Variants in ERBB4 observed in about 807,000 individuals in gnomAD.
ERBB4 encodes receptor tyrosine-protein kinase erbB-4.
A neutral mutation model predicts 158.0 loss-of-function variants in ERBB4; 42 were observed. The ratio of observed to expected loss-of-function variants is 0.27; its 90% CI spans 0.21 to 0.34. The LOEUF (loss-of-function observed/expected upper bound fraction) is 0.34, where lower values mean the gene tolerates loss of function less well. ERBB4 is among the 10% of genes least tolerant of loss of function. ERBB4 has a pLI of 1.00. For synonymous variants in ERBB4, 583 were observed against 558.7 expected, an observed-to-expected ratio of 1.04 and a Z score of -0.61; for missense variants, 1,333 against 1,624.1, an observed-to-expected ratio of 0.82 and a Z score of 3.08.
chr2:212,297,189 G>T (rs943182812), intron 1 of ERBB4, among the ~76,000 whole-genome samples: 3 of 151,998 alleles, frequency 2.0e-5, no homozygotes, highest in African/African-American at 7.2e-5. Context: ...TGTATAAGAA[G>T]TGGCCTTAAA....
At chr2:211,466,722 T>A (rs2064700372) in intron 20 of ERBB4, among the ~76,000 whole-genome samples, 2 of 152,152 alleles carry the variant, frequency 1.3e-5, no homozygotes, top group Admixed American at 6.6e-5. Flanking sequence ...AGACCTTTTT[T>A]AAAAAGAAAT....
intron 1 of ERBB4, among the ~76,000 whole-genome samples, chr2:212,468,737 T>C (rs1300109969): frequency 6.6e-6 from 1 of 152,214 alleles, no homozygotes; most frequent in Non-Finnish European, 1.5e-5. Flanking sequence ...GCTGGGAGTA[T>C]ATCCTAGGAG....
Position 211,381,461 on chromosome 2 carries a change from A to ATCTT in ERBB4, c.*2150_*2153dup, listed in dbSNP as rs2062572459. ...TATCCCAAATGAGTTTAAAGGAGAT[A>ATCTT]TCTTACAGTACAACTGATTATATGA... On this transcript the variant is annotated 3_prime_UTR_variant, in exon 28 of 28. Transcript: ENST00000342788. 4.3e-6 allele frequency: 1 copy of ATCTT among 231,864 alleles called. No individual in the cohort carries two copies. Among genetic ancestry groups the ATCTT allele is most frequent in the African/African-American group, 2.2e-5 (1 of 45,290 alleles). 14.4% of individuals were successfully genotyped at this position (231,864 alleles called of 1,614,324 possible). A position where few individuals can be genotyped will look rare whatever the true frequency, so the allele number is the denominator to read the frequency against.
chr2:212,294,873 T>C (rs925248997), intron 1 of ERBB4, among the ~76,000 whole-genome samples: 14 of 151,928 alleles, frequency 9.2e-5, no homozygotes, highest in African/African-American at 3.4e-4. Context: ...TTTGATAGAG[T>C]GTAAAATCTT....
chr2:211,998,583 C>T (rs1351531996), intron 2 of ERBB4, among the ~76,000 whole-genome samples: 1 of 147,636 alleles, frequency 6.8e-6, no homozygotes, highest in African/African-American at 2.5e-5. Context: ...TCAGCGTATA[C>T]TTTGTAAGTA....
intron 3 of ERBB4, among the ~76,000 whole-genome samples, chr2:211,825,243 A>T (rs2077076671): frequency 6.6e-6 from 1 of 151,922 alleles, no homozygotes; most frequent in Non-Finnish European, 1.5e-5. Flanking sequence ...TATCATCATC[A>T]TAATGATAAT....
chr2:211,735,690 T>C (rs2074576616), intron 5 of ERBB4, among the ~76,000 whole-genome samples: 1 of 152,116 alleles, frequency 6.6e-6, no homozygotes, highest in Non-Finnish European at 1.5e-5. Flanking sequence ...TCAAATACTC[T>C]TTAAATCTCA....
intron 3 of ERBB4, among the ~76,000 whole-genome samples, chr2:211,885,885 A>T (rs1328334888): frequency 1.3e-5 from 2 of 152,210 alleles, no homozygotes; most frequent in Non-Finnish European, 2.9e-5. Flanking sequence ...TACTATATGA[A>T]ATATAACTCT....
chr2:212,391,692 A>G (rs1394743723), intron 1 of ERBB4, among the ~76,000 whole-genome samples: 2 of 124,378 alleles, frequency 1.6e-5, no homozygotes, highest in Non-Finnish European at 3.3e-5. Context: ...TATATATATT[A>G]TATTATATAT....
chr2:211,436,744 C>T (rs2063863572), intron 20 of ERBB4, among the ~76,000 whole-genome samples: 2 of 152,180 alleles, frequency 1.3e-5, no homozygotes, highest in South Asian at 4.1e-4. Flanking sequence ...TTATAACCTA[C>T]CCATCATGAT....
chr2:212,245,571 GAGA>G (rs749975317), intron 1 of ERBB4, among the ~76,000 whole-genome samples: 2 of 152,114 alleles, frequency 1.3e-5, no homozygotes, highest in Non-Finnish European at 2.9e-5. Context: ...TGAAACTGTA[GAGA>G]AGGTTTAATT....
chr2:212,310,604 T>G lies in ERBB4; in HGVS notation c.83-185701A>C, dbSNP rs1298252992. Among the ~76,000 whole-genome samples, 5 of 102,736 alleles carry G rather than the reference T, an allele frequency of 4.9e-5. No homozygotes were observed. In the East Asian group the frequency reaches 1.3e-3, roughly 27 times the overall value. The allele number at this position is 102,736 out of a possible 152,430, so 67.4% of individuals were successfully genotyped here. On this transcript the variant is annotated intron_variant, in intron 1 of 27. Coordinates refer to ENST00000342788, the MANE Select transcript of ERBB4 (RefSeq NM_005235.3). ...CTCTCTGTTTTGAGCTTCATATATA[T>G]GTATATGTGTGTGTGTGTGTGTGTG...
chr2:211,674,120 C>T (rs1377482900), intron 13 of ERBB4, among the ~76,000 whole-genome samples: 2 of 151,998 alleles, frequency 1.3e-5, no homozygotes, highest in Non-Finnish European at 2.9e-5. Flanking sequence ...TTAAACCACC[C>T]CATCCCACTA....
chr2:212,270,104 A>G (rs1254004676), intron 1 of ERBB4, among the ~76,000 whole-genome samples: 3 of 151,824 alleles, frequency 2.0e-5, no homozygotes, highest in Admixed American at 6.6e-5. Flanking sequence ...GGTAAATTAA[A>G]CAGAATTTTT....
chr2:211,566,107 G>A (rs779525792), intron 19 of ERBB4, among the ~76,000 whole-genome samples: 29 of 152,172 alleles, frequency 1.9e-4, no homozygotes, highest in Non-Finnish European at 3.7e-4. Flanking sequence ...GCATCCTCAC[G>A]TGGTACCAGT....
At chr2:211,624,731 T>C (rs1465191182) in intron 17 of ERBB4, among the ~76,000 whole-genome samples, 4 of 152,170 alleles carry the variant, frequency 2.6e-5, no homozygotes, top group Admixed American at 2.6e-4. Context: ...TAGTTTTGCC[T>C]TCCTAAAGAA....
chr2:212,280,017 C>T (rs1420087493), intron 1 of ERBB4, among the ~76,000 whole-genome samples: 1 of 151,454 alleles, frequency 6.6e-6, no homozygotes, highest in Admixed American at 6.6e-5. Flanking sequence ...TTGATATCTG[C>T]AATTGAATTG....
chr2:211,892,207 C>T (rs1229979990), intron 3 of ERBB4, among the ~76,000 whole-genome samples: 1 of 107,080 alleles, frequency 9.3e-6, no homozygotes, highest in Non-Finnish European at 1.8e-5. Flanking sequence ...AGCTTATCCA[C>T]CATGATCAAG....
intron 1 of ERBB4, among the ~76,000 whole-genome samples, chr2:212,536,381 G>C (rs1307918115): frequency 6.6e-6 from 1 of 152,194 alleles, no homozygotes; most frequent in Non-Finnish European, 1.5e-5. Flanking sequence ...CTTAGTATGC[G>C]TGTTGCAATT....
Sources: allele counts gnomAD v4.1 joint callset (sites outside exome capture counted in the v4.1 genomes callset), GRCh38; gene constraint gnomAD v4.1.1; transcripts MANE v1.5; gene names NCBI Gene and HGNC (gene_info 2026-07-23, HGNC 2026-07-21).